Variants in LRMDA observed in about 807,000 individuals in gnomAD.
The protein encoded by LRMDA is leucine rich melanocyte differentiation associated, also known as leucine-rich melanocyte differentiation-associated protein.
LRMDA carries 18 observed loss-of-function variants against 29.8 expected under a neutral mutation model. That is an observed-to-expected ratio of 0.60 (90% CI 0.42 to 0.90). LRMDA has a LOEUF of 0.90. Ranked by LOEUF, LRMDA falls within the 40% of genes least tolerant of loss-of-function variation. The pLI is 0.00. For missense variants in LRMDA, 273 were observed against 273.9 expected, an observed-to-expected ratio of 1.00 and a Z score of 0.02; for synonymous variants, 125 against 109.4, an observed-to-expected ratio of 1.14 and a Z score of -0.89.
At chr10:75,669,137 A>G (rs1292639149) in intron 2 of LRMDA, among the ~76,000 whole-genome samples, 2 of 152,202 alleles carry the variant, frequency 1.3e-5, no homozygotes, top group African/African-American at 4.8e-5. Context: ...GGATCCCCAC[A>G]AAGTCCCACA....
intron 2 of LRMDA, among the ~76,000 whole-genome samples, chr10:75,607,975 GC>G (rs775240792): frequency 1.3e-5 from 2 of 150,940 alleles, no homozygotes; most frequent in Non-Finnish European, 3.0e-5. Flanking sequence ...GAATAATGCT[GC>G]CATGAGCATG....
chr10:76,409,860 A>G (rs371466571), intron 6 of LRMDA, among the ~76,000 whole-genome samples: 10 of 152,346 alleles, frequency 6.6e-5, no homozygotes, highest in Admixed American at 2.6e-4. Context: ...CTCCCAGAGG[A>G]TAGAATCTAC....
At chr10:75,930,290 GT>G (rs1304029381) in intron 2 of LRMDA, among the ~76,000 whole-genome samples, 26 of 152,128 alleles carry the variant, frequency 1.7e-4, no homozygotes, top group Admixed American at 1.7e-3. Flanking sequence ...AGGGCAAGCT[GT>G]TTTCTGTGTT....
At chr10:75,503,716 A>AT (rs947406464) in intron 2 of LRMDA, among the ~76,000 whole-genome samples, 13 of 151,690 alleles carry the variant, frequency 8.6e-5, no homozygotes, top group African/African-American at 1.9e-4. Context: ...TTCCTCTGGG[A>AT]TTTTTTTTGA....
chr10:76,528,569 TA>T (rs1430265224), intron 6 of LRMDA, among the ~76,000 whole-genome samples: 1 of 152,094 alleles, frequency 6.6e-6, no homozygotes, highest in Non-Finnish European at 1.5e-5. Context: ...AGAAAACAAT[TA>T]AAATAACTCC....
At chr10:75,668,279 G>A (rs1016144369) in intron 2 of LRMDA, among the ~76,000 whole-genome samples, 30 of 152,148 alleles carry the variant, frequency 2.0e-4, no homozygotes. Flanking sequence ...GTGGCTTAAG[G>A]TTTTTGTGAT....
At chr10:75,695,703 T>C (rs554941253) in intron 2 of LRMDA, among the ~76,000 whole-genome samples, 1 of 152,330 alleles carries the variant, frequency 6.6e-6, no homozygotes, top group South Asian at 2.1e-4. Context: ...CCTGTAATAT[T>C]ACATTACCCA....
intron 6 of LRMDA, among the ~76,000 whole-genome samples, chr10:76,367,624 A>G (rs748625324): frequency 1.3e-5 from 2 of 151,834 alleles, no homozygotes; most frequent in Non-Finnish European, 2.9e-5. Flanking sequence ...GGGTTTCTCC[A>G]TGTTCATCAG....
intron 2 of LRMDA, among the ~76,000 whole-genome samples, chr10:75,850,511 A>G (rs1407073214): frequency 6.6e-6 from 1 of 152,200 alleles, no homozygotes; most frequent in Non-Finnish European, 1.5e-5. Context: ...CTGGGTGGGT[A>G]AGAATCTAGT....
At chr10:75,902,016 TG>T (rs1845682344) in intron 2 of LRMDA, among the ~76,000 whole-genome samples, 1 of 152,108 alleles carries the variant, frequency 6.6e-6, no homozygotes. Context: ...CCCTAACATT[TG>T]GGGGGTTCAG....
In LRMDA at chr10:75,632,782, G is replaced by GTTTTTTTTT. The variant is rs386371855; in HGVS notation, c.131+194307_131+194315dup. Among the ~76,000 whole-genome samples the GTTTTTTTTT allele has an allele frequency of 5.8e-4, 25 of 43,248 alleles. 2 individuals carry two copies. The highest frequency in any genetic ancestry group is 7.8e-4 in the Non-Finnish European group (17 of 21,684). 28.4% of individuals were successfully genotyped at this position (43,248 alleles called of 152,430 possible). On this transcript the variant is annotated intron_variant, in intron 2 of 6. Transcript: ENST00000611255. ...TAGTTTTTTTGTTTAGTTTAGTTTAGTTTTTTTTTTTTTTTTTTTTTTTTT... is the reference window on the plus strand; with the variant it reads ...TAGTTTTTTTGTTTAGTTTAGTTTAGTTTTTTTTTTTTTTTTTTTTTTTTTTTTTTTTTT...
intron 2 of LRMDA, among the ~76,000 whole-genome samples, chr10:76,012,006 C>A (rs758424784): frequency 2.6e-5 from 4 of 152,114 alleles, no homozygotes; most frequent in Admixed American, 6.5e-5. Flanking sequence ...CGTAGAACTC[C>A]AGGGCCTATG....
intron 2 of LRMDA, among the ~76,000 whole-genome samples, chr10:75,528,325 G>A (rs540130812): frequency 5.3e-5 from 8 of 152,314 alleles, no homozygotes; most frequent in Non-Finnish European, 8.8e-5. Context: ...CTTTTGTTGG[G>A]AGCATAAGCC....
At chr10:76,227,475 C>A (rs1253512668) in intron 5 of LRMDA, among the ~76,000 whole-genome samples, 2 of 152,178 alleles carry the variant, frequency 1.3e-5, no homozygotes, top group Non-Finnish European at 2.9e-5. Flanking sequence ...ATTTTTCCAT[C>A]AGTGGAAATC....
At chr10:76,437,997 G>A (rs944709647) in intron 6 of LRMDA, among the ~76,000 whole-genome samples, 2 of 152,162 alleles carry the variant, frequency 1.3e-5, no homozygotes, top group Non-Finnish European at 2.9e-5. Context: ...CCTAGTCAGC[G>A]GCAACTCTCT....
At chr10:76,067,466 G>A (rs140888003) in intron 5 of LRMDA, among the ~76,000 whole-genome samples, 453 of 152,256 alleles carry the variant, frequency 3.0e-3, no homozygotes, top group African/African-American at 0.011. Context: ...GAAAAGGAGA[G>A]GAAAATAAAG....
intron 2 of LRMDA, among the ~76,000 whole-genome samples, chr10:75,573,490 C>A (rs961090620): frequency 6.6e-6 from 1 of 152,034 alleles, no homozygotes; most frequent in Non-Finnish European, 1.5e-5. Context: ...TCTTTATCTC[C>A]CCATGCTGAG....
chr10:76,101,499 G>T (rs1308297434), intron 5 of LRMDA, among the ~76,000 whole-genome samples: 2 of 152,192 alleles, frequency 1.3e-5, no homozygotes. Flanking sequence ...CACTTTGGGA[G>T]GCCAAGGCAG....
At chr10:75,444,545 A>T (rs1844367799) in intron 2 of LRMDA, among the ~76,000 whole-genome samples, 1 of 152,204 alleles carries the variant, frequency 6.6e-6, no homozygotes, top group African/African-American at 2.4e-5. Flanking sequence ...GGGTCTTGCC[A>T]TCCACCTTGG....
Sources: allele counts gnomAD v4.1 joint callset (sites outside exome capture counted in the v4.1 genomes callset), GRCh38; gene constraint gnomAD v4.1.1; transcripts MANE v1.5; gene names NCBI Gene and HGNC (gene_info 2026-07-23, HGNC 2026-07-21).